The following NCLN variants were observed in gnomAD, a reference collection of about 807,000 sequenced individuals.
NCLN encodes nicalin, also known as BOS complex subunit NCLN.
In NCLN, 34 loss-of-function variants were observed where a neutral mutation model predicts 69.5. The observed-to-expected ratio is 0.49, with a 90% CI of 0.37 to 0.65. NCLN has a LOEUF of 0.65. Ranked by LOEUF, NCLN falls within the 30% of genes least tolerant of loss-of-function variation. The probability of loss-of-function intolerance (pLI) is 0.00; values close to 1 mark genes in which losing one functional copy is unlikely to be tolerated. For missense variants in NCLN, 710 were observed against 804.8 expected, an observed-to-expected ratio of 0.88 and a Z score of 1.42; for synonymous variants, 393 against 358.3, an observed-to-expected ratio of 1.10 and a Z score of -1.09.
In NCLN at chr19:3,203,827, A is replaced by G. The variant is rs1248068435; in HGVS notation, c.872A>G (p.Asp291Gly). Reference protein sequence around the residue: ...NYQGTKRWLEDNLDHTDSSLL... With the variant: ...NYQGTKRWLEGNLDHTDSSLL... ...CAGGGAACCAAGCGCTGGCTGGAAG[A>G]CAACCTGGACCACACAGGTGAGCGG... Residue 291 changes from aspartate (D) to glycine (G), a missense_variant, in exon 7 of 15, where the codon GAC becomes GGC. Transcript: ENST00000246117. The G allele has an allele frequency of 6.2e-7, 1 of 1,613,048 alleles. No individual in the cohort carries two copies. The highest frequency in any genetic ancestry group is 2.2e-5 in the East Asian group (1 of 44,876).
In NCLN at chr19:3,188,220, G is replaced by A. The variant is rs573432132; in HGVS notation, c.184+2006G>A. Among the ~76,000 whole-genome samples the A allele has an allele frequency of 1.1e-4, 17 of 151,796 alleles. 2 individuals are homozygous for A. In the South Asian group the frequency reaches 3.5e-3, roughly 32 times the overall value. ...CCCCCCGGGCAGGTGTGATCTGGTG[G>A]CTGCTACACTGTCCCTGGGCAGGTG... On this transcript the variant is annotated intron_variant, in intron 1 of 14. Coordinates refer to ENST00000246117, the MANE Select transcript of NCLN (RefSeq NM_020170.4).
chr19:3,201,273 G>T (rs1054956094), intron 5 of NCLN, among the ~76,000 whole-genome samples: 1 of 152,194 alleles, frequency 6.6e-6, no homozygotes. Flanking sequence ...GCTTGGCGGG[G>T]CCCCGCAGAC....
intron 3 of NCLN, among the ~76,000 whole-genome samples, chr19:3,193,636 C>T (rs530089293): frequency 1.7e-4 from 26 of 152,376 alleles, no homozygotes; most frequent in Admixed American, 1.3e-3. Context: ...TTTTTGCAGC[C>T]GCCTGTCCCC....
At chr19:3,190,173 C>T in intron 1 of NCLN, among the ~76,000 whole-genome samples, 1 of 152,130 alleles carries the variant, frequency 6.6e-6, no homozygotes, top group Non-Finnish European at 1.5e-5. Flanking sequence ...TGCAGGAGCC[C>T]CAAGGACTCC....
chr19:3,200,174 C>T (rs1916088587), intron 5 of NCLN, among the ~76,000 whole-genome samples: 1 of 152,186 alleles, frequency 6.6e-6, no homozygotes, highest in East Asian at 1.9e-4. Flanking sequence ...CTCTTGAACT[C>T]CTGACCTCAG....
In NCLN at chr19:3,208,075, C is replaced by T. The variant is rs1033306574; in HGVS notation, c.*387C>T. 3.3e-5 allele frequency: 8 copies of T among 240,184 alleles called. No individual in the cohort carries two copies. The highest frequency in any genetic ancestry group is 3.3e-4 in the East Asian group (3 of 9,012). The allele number at this position is 240,184 out of a possible 1,614,324, so 14.9% of individuals were successfully genotyped here. A position where few individuals can be genotyped will look rare whatever the true frequency, so the allele number is the denominator to read the frequency against. Reference sequence around the variant, plus strand: ...GCGGCCTCCGCCCACCGCCTCCTGCCGCAAGGGGCCTGGACTGCAGGCCTG... The same window carrying T: ...GCGGCCTCCGCCCACCGCCTCCTGCTGCAAGGGGCCTGGACTGCAGGCCTG... On this transcript the variant is annotated 3_prime_UTR_variant, in exon 15 of 15. Transcript: ENST00000246117.
At chr19:3,198,788 C>G (rs559195050) in intron 4 of NCLN, 29 bp from the exon 5 acceptor site, 3 of 1,562,514 alleles carry the variant, frequency 1.9e-6, no homozygotes, top group East Asian at 2.5e-5. Context: ...CAGGAACAGC[C>G]AGGCCATTCC....
At chr19:3,188,617 GTCT>G (rs1465253222) in intron 1 of NCLN, among the ~76,000 whole-genome samples, 12 of 152,158 alleles carry the variant, frequency 7.9e-5, no homozygotes, top group African/African-American at 1.7e-4. Flanking sequence ...TTTCTTCTGA[GTCT>G]TCTTTTCACT....
At chr19:3,201,791 C>T (rs1916133198) in intron 6 of NCLN, among the ~76,000 whole-genome samples, 165 bp downstream of exon 6, 1 of 152,204 alleles carries the variant, frequency 6.6e-6, no homozygotes, top group East Asian at 1.9e-4. Context: ...AAGCTGAGCC[C>T]TCGCAGGCTC....
At chr19:3,192,439 G>A (rs757951407) in intron 1 of NCLN, 31 bp from the exon 2 acceptor site, 12 of 1,542,734 alleles carry the variant, frequency 7.8e-6, no homozygotes, top group East Asian at 2.5e-5. Context: ...GCCACCCGCC[G>A]AGGCTCACGA....
At chr19:3,204,359 G>A (rs1241291747) in intron 8 of NCLN, among the ~76,000 whole-genome samples, 2 of 152,040 alleles carry the variant, frequency 1.3e-5, no homozygotes, top group Non-Finnish European at 2.9e-5. Flanking sequence ...GCCGGGCTGG[G>A]GTGTCCTGTC....
chr19:3,204,464 C>T (rs1599358764), intron 8 of NCLN, 109 bp from the exon 9 acceptor site: 1 of 1,253,058 alleles, frequency 8.0e-7, no homozygotes, highest in Non-Finnish European at 1.1e-6. Flanking sequence ...TGGATTTCTC[C>T]TCATTTTGCA....
At chr19:3,198,378 G>A (rs1916025244) in intron 4 of NCLN, among the ~76,000 whole-genome samples, 1 of 151,914 alleles carries the variant, frequency 6.6e-6, no homozygotes, top group Admixed American at 6.6e-5. Flanking sequence ...GTGGTGGCGG[G>A]TGCCTGTAGT....
intron 6 of NCLN, among the ~76,000 whole-genome samples, chr19:3,203,072 T>C (rs1333814003): frequency 6.6e-6 from 1 of 152,164 alleles, no homozygotes; most frequent in Non-Finnish European, 1.5e-5. Context: ...TCCCAGCACT[T>C]TGGAAGCCTG....
intron 12 of NCLN, among the ~76,000 whole-genome samples, chr19:3,206,681 C>T (rs1238697366): frequency 6.6e-6 from 1 of 152,198 alleles, no homozygotes; most frequent in African/African-American, 2.4e-5. Context: ...ACTAAAAATA[C>T]AAAAATTAGG....
intron 4 of NCLN, among the ~76,000 whole-genome samples, chr19:3,197,193 C>T (rs1463489491): frequency 6.6e-6 from 1 of 152,208 alleles, no homozygotes; most frequent in South Asian, 2.1e-4. Context: ...GCCTGGCCTG[C>T]GTCACTCCAC....
rs1387481551 is a variant in NCLN, at chr19:3,209,172, C to G, written c.*1484C>G. 1.3e-5 allele frequency: 2 copies of G among 152,364 alleles called. No homozygotes were observed. The highest frequency in any genetic ancestry group is 4.8e-5 in the African/African-American group (2 of 41,456). The allele number at this position is 152,364 out of a possible 1,614,324, so 9.4% of individuals were successfully genotyped here. A position where few individuals can be genotyped will look rare whatever the true frequency, so the allele number is the denominator to read the frequency against. ...TTGGCCACCAGTTCTTCGGCCAGCA[C>G]CTCTGCCCTCCAGAACCTGCAGCCT... On this transcript the variant is annotated 3_prime_UTR_variant, in exon 15 of 15. Transcript: ENST00000246117.
At position 3,207,195 on chromosome 19, in the gene NCLN, C is replaced by T. The variant is rs1916292633; in HGVS notation, c.1500-3C>T. On this transcript the variant is annotated splice_region_variant and splice_polypyrimidine_tract_variant and intron_variant, in intron 12 of 14. Transcript: ENST00000246117. ...GCCCCCTGAGAAAGTGCTCTCTCCC[C>T]AGGGACCCAGAGTTTGTCTTCTACG... 6.2e-7 allele frequency: 1 copy of T among 1,613,520 alleles called. No individual in the cohort carries two copies. The highest frequency in any genetic ancestry group is 1.3e-5 in the African/African-American group (1 of 74,916).
chr19:3,194,600 TCTG>T (rs1915910239), intron 3 of NCLN, among the ~76,000 whole-genome samples: 2 of 152,210 alleles, frequency 1.3e-5, no homozygotes, highest in East Asian at 1.9e-4. Flanking sequence ...GAAAGTGTTA[TCTG>T]ATCCTTTGCA....
Sources: allele counts gnomAD v4.1 joint callset (sites outside exome capture counted in the v4.1 genomes callset), GRCh38; gene constraint gnomAD v4.1.1; transcripts MANE v1.5; gene names NCBI Gene and HGNC (gene_info 2026-07-23, HGNC 2026-07-21).